The following RBFOX1 variants were observed in gnomAD, a reference collection of about 807,000 sequenced individuals.
The protein encoded by RBFOX1 is RNA binding protein fox-1 homolog 1.
A neutral mutation model predicts 57.7 loss-of-function variants in RBFOX1; 8 were observed. The observed-to-expected ratio is 0.14, with a 90% CI of 0.08 to 0.25. The LOEUF (loss-of-function observed/expected upper bound fraction) is 0.25, where lower values mean the gene tolerates loss of function less well. Ranked by LOEUF, RBFOX1 falls within the 10% of genes least tolerant of loss-of-function variation. RBFOX1 has a pLI of 1.00. For synonymous variants in RBFOX1, 326 were observed against 222.4 expected (o/e 1.47, Z -4.15); for missense variants, 611 against 548.5 (o/e 1.11, Z -1.14).
chr16:6,961,165 A>ACACACACACACACACACACAC lies in RBFOX1; in HGVS notation c.-15-90892_-15-90891insCACACACACACACACACACAC, dbSNP rs1461621694. Among the ~76,000 whole-genome samples, 30 of 150,660 alleles carry ACACACACACACACACACACAC rather than the reference A, an allele frequency of 2.0e-4. 1 individual carries two copies. Among genetic ancestry groups the ACACACACACACACACACACAC allele is most frequent in the East Asian group, 3.9e-4 (2 of 5,144 alleles). The stretch of plus-strand genomic sequence containing the variant: ...CACACCCACACAGACACACACACGC[A>ACACACACACACACACACACAC]AAAGAAAGAAAGAAAAAAGAAAAGA... On this transcript the variant is annotated intron_variant, in intron 3 of 15. Coordinates refer to ENST00000550418, the MANE Select transcript of RBFOX1 (RefSeq NM_018723.4).
chr16:5,407,854 C>G (rs576755702), intron 1 of RBFOX1, among the ~76,000 whole-genome samples: 2 of 152,222 alleles, frequency 1.3e-5, no homozygotes, highest in Non-Finnish European at 2.9e-5. Context: ...TGGCCCAGGC[C>G]TTTGGGCTTT....
chr16:7,360,980 C>T (rs1027795456), intron 4 of RBFOX1, among the ~76,000 whole-genome samples: 2 of 152,186 alleles, frequency 1.3e-5, no homozygotes, highest in African/African-American at 4.8e-5. Flanking sequence ...GAGTCCTCAG[C>T]CTCTGTGTGC....
intron 3 of RBFOX1, among the ~76,000 whole-genome samples, chr16:6,981,766 T>C (rs2088947659): frequency 6.6e-6 from 1 of 152,128 alleles, no homozygotes; most frequent in South Asian, 2.1e-4. Flanking sequence ...ATTTCCCGCC[T>C]GGTTCCCCCA....
At chr16:7,179,858 C>T (rs570261607) in intron 4 of RBFOX1, among the ~76,000 whole-genome samples, 5 of 152,160 alleles carry the variant, frequency 3.3e-5, no homozygotes, top group African/African-American at 1.2e-4. Context: ...CCTCAGCCTC[C>T]TGAATAGCTG....
At chr16:6,326,005 C>G (rs1291035072) in intron 2 of RBFOX1, among the ~76,000 whole-genome samples, 3 of 152,188 alleles carry the variant, frequency 2.0e-5, no homozygotes, top group Non-Finnish European at 4.4e-5. Flanking sequence ...CTCCCACTGA[C>G]TGACTTGTGT....
At chr16:6,605,305 A>G (rs941197071) in intron 2 of RBFOX1, among the ~76,000 whole-genome samples, 8 of 152,200 alleles carry the variant, frequency 5.3e-5, no homozygotes, top group Admixed American at 2.0e-4. Context: ...AATAGCATCT[A>G]TACTTCACCT....
At chr16:5,496,959 A>G (rs1253042133) in intron 2 of RBFOX1, among the ~76,000 whole-genome samples, 2 of 152,246 alleles carry the variant, frequency 1.3e-5, no homozygotes, top group East Asian at 1.9e-4. Flanking sequence ...TGATATTTAT[A>G]TCTGCAATTA....
chr16:5,447,522 C>T lies in RBFOX1; in HGVS notation c.220-19694C>T, dbSNP rs765513210. ...AAGTGGTTCTCCTGCCTCAGCCTCC[C>T]GAATAGCTGGGATTACAGGCACCCG... On this transcript the variant is annotated intron_variant, in intron 1 of 2. Transcript: ENST00000585867. Among the ~76,000 whole-genome samples, 22 of 152,084 alleles carry T rather than the reference C, an allele frequency of 1.4e-4. 1 individual carries two copies. Among genetic ancestry groups the T allele is most frequent in the African/African-American group, 2.9e-4 (12 of 41,412 alleles).
At chr16:6,924,316 G>A (rs2075115222) in intron 3 of RBFOX1, among the ~76,000 whole-genome samples, 1 of 152,020 alleles carries the variant, frequency 6.6e-6, no homozygotes, top group South Asian at 2.1e-4. Flanking sequence ...GCCTCAGGGA[G>A]GTTCCACTCA....
chr16:6,387,103 G>C (rs2092334741), intron 2 of RBFOX1, among the ~76,000 whole-genome samples: 1 of 152,152 alleles, frequency 6.6e-6, no homozygotes, highest in Non-Finnish European at 1.5e-5. Context: ...AAGTCCATTG[G>C]CAACCATTCA....
chr16:7,110,921 T>C (rs1380299681), intron 4 of RBFOX1, among the ~76,000 whole-genome samples: 1 of 152,132 alleles, frequency 6.6e-6, no homozygotes, highest in Non-Finnish European at 1.5e-5. Flanking sequence ...CTTTGGGTAG[T>C]AAAAGGACAC....
chr16:7,411,580 A>G (rs575827211), intron 4 of RBFOX1, among the ~76,000 whole-genome samples: 20 of 152,304 alleles, frequency 1.3e-4, no homozygotes, highest in African/African-American at 4.6e-4. Flanking sequence ...GACATCGTGC[A>G]AAATATCTGA....
At chr16:6,675,441 T>A (rs1469166148) in intron 3 of RBFOX1, among the ~76,000 whole-genome samples, 1 of 152,150 alleles carries the variant, frequency 6.6e-6, no homozygotes, top group African/African-American at 2.4e-5. Context: ...CCCAGAAGAT[T>A]ATTTCAAGAC....
intron 5 of RBFOX1, among the ~76,000 whole-genome samples, chr16:7,572,377 C>T (rs539224268): frequency 3.3e-5 from 5 of 152,272 alleles, no homozygotes; most frequent in African/African-American, 9.6e-5. Context: ...GAACTTACCA[C>T]GGACTCCAGG....
At chr16:5,364,995 C>T (rs2151351656) in intron 1 of RBFOX1, among the ~76,000 whole-genome samples, 1 of 152,216 alleles carries the variant, frequency 6.6e-6, no homozygotes, top group African/African-American at 2.4e-5. Flanking sequence ...TTGGGTTCTT[C>T]AAGAAGCAAA....
chr16:7,080,695 G>C (rs2059055360), intron 4 of RBFOX1, among the ~76,000 whole-genome samples: 1 of 152,090 alleles, frequency 6.6e-6, no homozygotes, highest in South Asian at 2.1e-4. Flanking sequence ...TATGAACCCT[G>C]GGTGTTAGGG....
intron 1 of RBFOX1, among the ~76,000 whole-genome samples, chr16:6,185,179 C>G (rs1329312892): frequency 1.3e-5 from 2 of 152,122 alleles, no homozygotes; most frequent in Non-Finnish European, 2.9e-5. Flanking sequence ...TGCACAGGCT[C>G]TAATATATTC....
intron 1 of RBFOX1, among the ~76,000 whole-genome samples, chr16:6,186,612 G>A (rs552139966): frequency 3.9e-5 from 6 of 152,154 alleles, no homozygotes; most frequent in Non-Finnish European, 7.3e-5. Context: ...GTGTGGCTTG[G>A]TGTGGACCAT....
chr16:7,451,374 C>T (rs771085331), intron 4 of RBFOX1, among the ~76,000 whole-genome samples: 6 of 152,098 alleles, frequency 3.9e-5, no homozygotes, highest in Non-Finnish European at 8.8e-5. Context: ...TTGGAAATTT[C>T]GGAGCAGTGA....
Sources: gnomAD v4.1 joint callset for allele counts (sites outside exome capture counted in the v4.1 genomes callset) on GRCh38, gnomAD v4.1.1 for gene constraint, MANE v1.5 for transcripts, NCBI Gene and HGNC (gene_info 2026-07-23, HGNC 2026-07-21) for gene names.